BRAF: variants seen among roughly 807,000 people sequenced by gnomAD.
BRAF encodes the protein serine/threonine-protein kinase B-raf.
In BRAF, 16 loss-of-function variants were observed where a neutral mutation model predicts 104.6. The ratio of observed to expected loss-of-function variants is 0.15; its 90% CI spans 0.10 to 0.23. The LOEUF is 0.23. Among genes scored for constraint, BRAF ranks in the 10% least tolerant of loss-of-function variants. The pLI, the probability that BRAF is intolerant of heterozygous loss-of-function variation, is 1.00. For synonymous variants in BRAF, 310 were observed against 341.6 expected (o/e 0.91, Z 1.02); for missense variants, 541 against 937.3 (o/e 0.58, Z 5.52).
intron 1 of BRAF, among the ~76,000 whole-genome samples, chr7:140,906,083 G>A (rs1382869132): frequency 1.6e-4 from 10 of 63,620 alleles, no homozygotes; most frequent in Admixed American, 5.6e-4. Context: ...GCGAGACTCC[G>A]TCTCAAAAAA....
intron 1 of BRAF, among the ~76,000 whole-genome samples, chr7:140,865,680 G>A (rs994081358): frequency 9.9e-5 from 15 of 152,214 alleles, no homozygotes; most frequent in African/African-American, 2.9e-4. Context: ...CCAGACAAGT[G>A]TCTACATAGA....
At chr7:140,807,855 C>G in intron 5 of BRAF, 105 bp downstream of exon 5, 1 of 824,876 alleles carries the variant, frequency 1.2e-6, no homozygotes, top group East Asian at 2.7e-5. Context: ...GGTAAAATGT[C>G]AGTTCCAAAA....
chr7:140,884,553 TCC>T (rs1813340118), intron 1 of BRAF, among the ~76,000 whole-genome samples: 1 of 151,246 alleles, frequency 6.6e-6, no homozygotes, highest in Middle Eastern at 3.5e-3. Flanking sequence ...TGACCACAGC[TCC>T]CCACAATCTC....
rs923156035 is a variant in BRAF, at chr7:140,827,106, G to A, written c.504+7503C>T. Reference sequence around the variant, plus strand: ...CCCTGTGTTTCTTATAAAATAGAAGGTCCCAATCCAAGCAAGAATACTTCA... The same window carrying A: ...CCCTGTGTTTCTTATAAAATAGAAGATCCCAATCCAAGCAAGAATACTTCA... On this transcript the variant is annotated intron_variant, in intron 3 of 19. Transcript: ENST00000644969. Among the ~76,000 whole-genome samples, 6 of 152,192 alleles carry A rather than the reference G, an allele frequency of 3.9e-5. No homozygotes were observed. In the East Asian group the frequency reaches 1.2e-3, roughly 29 times the overall value.
chr7:140,833,179 C>T (rs751285230), intron 3 of BRAF, among the ~76,000 whole-genome samples: 1 of 152,060 alleles, frequency 6.6e-6, no homozygotes, highest in African/African-American at 2.4e-5. Context: ...CCACTGTGCC[C>T]GGCCGGAGGC....
At chr7:140,827,336 T>C (rs779297458) in intron 3 of BRAF, among the ~76,000 whole-genome samples, 3 of 152,156 alleles carry the variant, frequency 2.0e-5, no homozygotes, top group Non-Finnish European at 4.4e-5. Context: ...AGGGTTTCCA[T>C]TGCTTCTGTG....
intron 5 of BRAF, among the ~76,000 whole-genome samples, chr7:140,807,214 T>C (rs998939488): frequency 2.0e-4 from 30 of 152,272 alleles, no homozygotes; most frequent in African/African-American, 6.7e-4. Flanking sequence ...ATGGAGAGTT[T>C]AATATCCAGC....
At chr7:140,747,657 A>G (rs373257718) in intron 17 of BRAF, among the ~76,000 whole-genome samples, 19 of 152,252 alleles carry the variant, frequency 1.2e-4, no homozygotes, top group Non-Finnish European at 2.4e-4. Context: ...CTAAAAATCC[A>G]TAATTCCTCC....
intron 14 of BRAF, 85 bp from the exon 14 acceptor site, chr7:140,754,318 G>C (rs1798028403): frequency 8.7e-7 from 1 of 1,150,578 alleles, no homozygotes; most frequent in African/African-American, 1.5e-5. Context: ...GGGGTGTAAA[G>C]ACTTATTTAG....
intron 1 of BRAF, among the ~76,000 whole-genome samples, chr7:140,874,204 CTTTTTTT>C (rs551211923): frequency 4.4e-5 from 6 of 137,654 alleles, no homozygotes; most frequent in East Asian, 4.1e-4. Flanking sequence ...ATTTTACATA[CTTTTTTT>C]TTTTTTTTTT....
intron 1 of BRAF, among the ~76,000 whole-genome samples, chr7:140,914,824 G>C (rs776601256): frequency 1.3e-5 from 2 of 151,856 alleles, no homozygotes; most frequent in Non-Finnish European, 2.9e-5. Context: ...CGGATCATGA[G>C]GTCAGGAGAT....
chr7:140,718,835 C>T (rs922688334), downstream of BRAF, among the ~76,000 whole-genome samples: 18 of 152,218 alleles, frequency 1.2e-4, no homozygotes, highest in African/African-American at 4.1e-4. Flanking sequence ...AATCAACTCA[C>T]TGAGGTAACC....
At chr7:140,879,817 T>C (rs1217449663) in intron 1 of BRAF, among the ~76,000 whole-genome samples, 1 of 151,682 alleles carries the variant, frequency 6.6e-6, no homozygotes, top group Non-Finnish European at 1.5e-5. Flanking sequence ...CTGCAACCTC[T>C]GCCTCCTGGG....
intron 1 of BRAF, among the ~76,000 whole-genome samples, chr7:140,870,238 A>G (rs1811425882): frequency 6.6e-6 from 1 of 152,228 alleles, no homozygotes. Flanking sequence ...GGAGAACTTC[A>G]GCTATCCTGA....
intron 14 of BRAF, among the ~76,000 whole-genome samples, chr7:140,770,509 T>C (rs951379209): frequency 7.4e-5 from 9 of 122,022 alleles, no homozygotes; most frequent in African/African-American, 3.4e-4. Context: ...AATATTATAC[T>C]GAAATTATAA....
downstream of BRAF, among the ~76,000 whole-genome samples, chr7:140,715,240 C>G (rs927978416): frequency 6.6e-6 from 1 of 152,162 alleles, no homozygotes; most frequent in East Asian, 1.9e-4. Flanking sequence ...AACAGTTGCA[C>G]CCTCCCCTGC....
Position 140,720,043 on chromosome 7 carries a change from G to A in BRAF, c.*6451C>T. ...CAAACCAAGGAATACATGAAAAGGG[G>A]GGATTTCCTTTTTCTTGGTCTAAAC... is the stretch of plus-strand genomic sequence containing the variant. On this transcript the variant is annotated 3_prime_UTR_variant, in exon 20 of 20. Coordinates refer to ENST00000644969, the MANE Select transcript of BRAF (RefSeq NM_001374258.1). 9.4e-7 allele frequency: 1 copy of A among 1,061,362 alleles called. No individual in the cohort carries two copies. Among genetic ancestry groups the A allele is most frequent in the Non-Finnish European group, 1.1e-6 (1 of 876,820 alleles). 65.7% of individuals were successfully genotyped at this position (1,061,362 alleles called of 1,614,324 possible).
At chr7:140,781,533 TC>T in intron 12 of BRAF, 42 bp downstream of exon 11, 1 of 1,507,782 alleles carries the variant, frequency 6.6e-7, no homozygotes, top group South Asian at 1.1e-5. Flanking sequence ...GTTAAACATA[TC>T]CTATTATGAC....
intron 3 of BRAF, among the ~76,000 whole-genome samples, chr7:140,818,780 G>T (rs1805161780): frequency 6.6e-6 from 1 of 152,116 alleles, no homozygotes. Flanking sequence ...TGATGTAAAA[G>T]ACCACATCCA....
Sources: allele counts gnomAD v4.1 joint callset (sites outside exome capture counted in the v4.1 genomes callset), GRCh38; gene constraint gnomAD v4.1.1; transcripts MANE v1.5; gene names NCBI Gene and HGNC (gene_info 2026-07-23, HGNC 2026-07-21).